Variants in LIMS1 observed in about 807,000 individuals in gnomAD.
The protein encoded by LIMS1 is LIM zinc finger domain containing 1.
Under a neutral mutation model 44.1 loss-of-function variants are expected in LIMS1, and 18 were observed. That is an observed-to-expected ratio of 0.41 (90% CI 0.28 to 0.61). The LOEUF is 0.61. LIMS1 is among the 20% of genes least tolerant of loss of function. The pLI is 0.32. For missense variants in LIMS1, 201 were observed against 422.0 expected, an observed-to-expected ratio of 0.48 and a Z score of 4.59; for synonymous variants, 93 against 149.1, an observed-to-expected ratio of 0.62 and a Z score of 2.74.
chr2:108,607,082 G>A (rs925190885), intron 1 of LIMS1: 5 of 708,688 alleles, frequency 7.1e-6, no homozygotes, highest in Admixed American at 2.7e-5. Flanking sequence ...ATTAGGTCAC[G>A]AGAACAGAGC....
chr2:108,660,571 C>T (rs1310756303), intron 2 of LIMS1: 1 of 316,686 alleles, frequency 3.2e-6, no homozygotes, highest in African/African-American at 2.2e-5. Flanking sequence ...GTAGCTGGGG[C>T]TACAGGCACG....
intron 1 of LIMS1, among the ~76,000 whole-genome samples, chr2:108,652,656 AC>A (rs1253633105): frequency 6.6e-6 from 1 of 152,206 alleles, no homozygotes; most frequent in African/African-American, 2.4e-5. Flanking sequence ...AATGACAGAC[AC>A]CCGCACACAT....
chr2:108,567,205 T>G (rs1333005738), intron 1 of LIMS1, among the ~76,000 whole-genome samples: 1 of 152,214 alleles, frequency 6.6e-6, no homozygotes, highest in Non-Finnish European at 1.5e-5. Context: ...CTCCCATGTC[T>G]GCTTGGGTTT....
chr2:108,582,315 A>C (rs1414079878), intron 1 of LIMS1, among the ~76,000 whole-genome samples: 1 of 152,242 alleles, frequency 6.6e-6, no homozygotes, highest in Non-Finnish European at 1.5e-5. Context: ...ATAGGCACTA[A>C]ATGGCCTGAG....
chr2:108,657,851 T>C (rs1488043030), intron 1 of LIMS1: 1 of 152,286 alleles, frequency 6.6e-6, no homozygotes, highest in Non-Finnish European at 1.5e-5. Context: ...ATGGCAAGGC[T>C]ACAAAACAGG....
At chr2:108,555,897 T>C (rs543873262) in intron 1 of LIMS1, among the ~76,000 whole-genome samples, 1 of 152,300 alleles carries the variant, frequency 6.6e-6, no homozygotes, top group East Asian at 1.9e-4. Flanking sequence ...TAAAATAGAA[T>C]CCTAATGAAA....
At chr2:108,666,806 TAATAA>T (rs1321671852) in intron 2 of LIMS1, among the ~76,000 whole-genome samples, 1 of 151,784 alleles carries the variant, frequency 6.6e-6, no homozygotes, top group South Asian at 2.1e-4. Flanking sequence ...AAAATAATAA[TAATAA>T]AATAAATTTT....
At chr2:108,601,507 T>A (rs2104721649) in intron 1 of LIMS1, among the ~76,000 whole-genome samples, 1 of 152,332 alleles carries the variant, frequency 6.6e-6, no homozygotes, top group African/African-American at 2.4e-5. Context: ...CTATTGTTTT[T>A]TAATAACTAA....
At chr2:108,625,019 C>T (rs1029221729) in intron 1 of LIMS1, among the ~76,000 whole-genome samples, 1 of 152,196 alleles carries the variant, frequency 6.6e-6, no homozygotes, top group Admixed American at 6.5e-5. Flanking sequence ...GCGGAGGTTG[C>T]AGTGAGCCGA....
chr2:108,540,183 G>A (rs1057185835), intron 1 of LIMS1, among the ~76,000 whole-genome samples: 17 of 140,796 alleles, frequency 1.2e-4, no homozygotes, highest in African/African-American at 4.1e-4. Context: ...AGGTGATAAA[G>A]TACAGATTCC....
At chr2:108,681,425 T>C in intron 9 of LIMS1, 3 of 975,612 alleles carry the variant, frequency 3.1e-6, no homozygotes, top group Non-Finnish European at 3.7e-6. Context: ...ATACATTTCT[T>C]TCTTTTTTTT....
intron 1 of LIMS1, among the ~76,000 whole-genome samples, chr2:108,538,103 C>T (rs947800971): frequency 1.3e-5 from 2 of 152,132 alleles, no homozygotes; most frequent in Non-Finnish European, 2.9e-5. Flanking sequence ...GTTTTCCACC[C>T]ACAGGGATGT....
chr2:108,542,578 AGTCTC>A (rs1684348749), intron 1 of LIMS1, among the ~76,000 whole-genome samples: 1 of 152,138 alleles, frequency 6.6e-6, no homozygotes, highest in Non-Finnish European at 1.5e-5. Context: ...TGTTTTTCCA[AGTCTC>A]AAGGCTTTTT....
At position 108,662,339 on chromosome 2, in the gene LIMS1, G is replaced by C. The variant is rs565450352; in HGVS notation, c.192+2575G>C. On this transcript the variant is annotated intron_variant, in intron 2 of 9. Coordinates refer to ENST00000544547, the Ensembl canonical transcript of LIMS1. ...GTGAGGCCACTGGTGCTGAGTCAGA[G>C]GGAAAAGCTCAGAACAGCCTTGAGC... 4.7e-5 allele frequency: 75 copies of C among 1,610,274 alleles called. No individual in the cohort carries two copies. In the Admixed American group the frequency reaches 9.7e-4, roughly 21 times the overall value.
At chr2:108,596,915 G>GTTT (rs34313967) in intron 1 of LIMS1, among the ~76,000 whole-genome samples, 48 of 68,472 alleles carry the variant, frequency 7.0e-4, no homozygotes, top group African/African-American at 1.4e-3. Context: ...CGAAACATCT[G>GTTT]TTTTTTTTTT....
At chr2:108,552,567 GTATA>G (rs199689171) in intron 1 of LIMS1, among the ~76,000 whole-genome samples, 1 of 130,528 alleles carries the variant, frequency 7.7e-6, no homozygotes, top group Non-Finnish European at 1.6e-5. Flanking sequence ...ACTTTGGGGT[GTATA>G]TATATATATT....
chr2:108,664,019 G>T (rs1691575212), intron 2 of LIMS1, among the ~76,000 whole-genome samples: 1 of 152,148 alleles, frequency 6.6e-6, no homozygotes, highest in Admixed American at 6.5e-5. Flanking sequence ...CTCCCAAAGT[G>T]CTGGGATTAC....
intron 9 of LIMS1, 55 bp from the exon 10 acceptor site, chr2:108,683,830 C>T: frequency 1.1e-6 from 1 of 928,066 alleles, no homozygotes; most frequent in Non-Finnish European, 1.7e-6. Flanking sequence ...ATTTATATAT[C>T]TTTGTTGAAT....
At position 108,636,159 on chromosome 2, in the gene LIMS1, G is replaced by A. The variant is rs200751420; in HGVS notation, c.33-23446G>A. Among the ~76,000 whole-genome samples, 8 of 152,334 alleles carry A rather than the reference G, an allele frequency of 5.3e-5. No homozygotes were observed. In the East Asian group the frequency reaches 1.2e-3, roughly 22 times the overall value. On this transcript the variant is annotated intron_variant, in intron 1 of 9. Coordinates refer to ENST00000544547, the Ensembl canonical transcript of LIMS1. ...GCTGAGTTAGAGTGCCAAGGGAGGA[G>A]CCCTACTCCGTGCCCGGGGTCACAC...
Sources: gnomAD v4.1 joint callset for allele counts (sites outside exome capture counted in the v4.1 genomes callset) on GRCh38, gnomAD v4.1.1 for gene constraint, MANE v1.5 for transcripts, NCBI Gene and HGNC (gene_info 2026-07-23, HGNC 2026-07-21) for gene names.